The following NAV2 variants were observed in gnomAD, a reference collection of about 807,000 sequenced individuals.
NAV2 encodes helicase, APC down-regulated 1.
In NAV2, 54 loss-of-function variants were observed where a neutral mutation model predicts 223.2. The observed-to-expected ratio is 0.24, with a 90% CI of 0.19 to 0.30. The LOEUF is 0.30. Ranked by LOEUF, NAV2 falls within the 10% of genes least tolerant of loss-of-function variation. The pLI, the probability that NAV2 is intolerant of heterozygous loss-of-function variation, is 1.00. For missense variants in NAV2, 2,806 were observed against 3,147.5 expected, an observed-to-expected ratio of 0.89 and a Z score of 2.60; for synonymous variants, 1,279 against 1,239.3, an observed-to-expected ratio of 1.03 and a Z score of -0.67.
At chr11:19,696,849 C>T (rs531492078) in intron 1 of NAV2, among the ~76,000 whole-genome samples, 13 of 152,258 alleles carry the variant, frequency 8.5e-5, no homozygotes, top group South Asian at 2.1e-4. Context: ...CTGGGCTGCA[C>T]GGTAGAATCA....
At chr11:19,475,121 C>T (rs1051236588) in intron 1 of NAV2, among the ~76,000 whole-genome samples, 1 of 152,232 alleles carries the variant, frequency 6.6e-6, no homozygotes, top group Non-Finnish European at 1.5e-5. Context: ...CAGCCTGCAT[C>T]TGGGGAAAGC....
chr11:19,406,206 T>C (rs4757795), intron 1 of NAV2, among the ~76,000 whole-genome samples: 1 of 151,928 alleles, frequency 6.6e-6, no homozygotes, highest in African/African-American at 2.4e-5. Context: ...GCTAAGCTTG[T>C]GGGAGCACAC....
intron 6 of NAV2, among the ~76,000 whole-genome samples, chr11:19,911,496 G>C (rs986085088): frequency 1.4e-4 from 22 of 152,270 alleles, no homozygotes; most frequent in African/African-American, 5.3e-4. Flanking sequence ...CCAGCAAATT[G>C]GTGCTAGACT....
intron 1 of NAV2, among the ~76,000 whole-genome samples, chr11:19,398,737 T>C (rs1190337281): frequency 6.6e-6 from 1 of 152,214 alleles, no homozygotes; most frequent in Non-Finnish European, 1.5e-5. Flanking sequence ...TGACCCATCA[T>C]TTGGGATTAA....
intron 12 of NAV2, among the ~76,000 whole-genome samples, chr11:20,036,521 G>A (rs1464583701): frequency 1.3e-5 from 2 of 152,194 alleles, no homozygotes; most frequent in African/African-American, 4.8e-5. Context: ...TGGAAATAAA[G>A]ATTGAGAACC....
chr11:20,004,440 A>G (rs2052850988), intron 11 of NAV2, among the ~76,000 whole-genome samples: 1 of 152,164 alleles, frequency 6.6e-6, no homozygotes, highest in African/African-American at 2.4e-5. Context: ...AGGAGCTTAC[A>G]GCACCCCTAG....
At chr11:20,040,291 G>A (rs2056789474) in intron 12 of NAV2, among the ~76,000 whole-genome samples, 1 of 152,170 alleles carries the variant, frequency 6.6e-6, no homozygotes, top group Non-Finnish European at 1.5e-5. Context: ...GACAAAGGCA[G>A]GATAAATGCT....
At chr11:19,865,445 C>T (rs573744539) in intron 3 of NAV2, among the ~76,000 whole-genome samples, 378 of 152,274 alleles carry the variant, frequency 2.5e-3, no homozygotes, top group African/African-American at 8.8e-3. Context: ...TTCTGATCTC[C>T]TTCCAAATGA....
chr11:19,823,735 A>G (rs1793758322), intron 1 of NAV2, among the ~76,000 whole-genome samples: 1 of 152,136 alleles, frequency 6.6e-6, no homozygotes, highest in Non-Finnish European at 1.5e-5. Context: ...AAACACTATC[A>G]TTTATAGTGA....
At chr11:19,993,760 T>G (rs375557098) in intron 11 of NAV2, among the ~76,000 whole-genome samples, 6 of 152,174 alleles carry the variant, frequency 3.9e-5, no homozygotes, top group African/African-American at 1.4e-4. Flanking sequence ...AACATAATAG[T>G]TGAGTTGGTT....
chr11:19,907,270 C>T (rs886660861), intron 6 of NAV2, among the ~76,000 whole-genome samples: 2 of 152,192 alleles, frequency 1.3e-5, no homozygotes, highest in Non-Finnish European at 2.9e-5. Flanking sequence ...TGGTCTGTTG[C>T]TTCAGATCAA....
intron 1 of NAV2, among the ~76,000 whole-genome samples, chr11:19,455,542 G>C (rs1851930957): frequency 6.6e-6 from 1 of 152,088 alleles, no homozygotes; most frequent in South Asian, 2.1e-4. Context: ...ATAGCTACTA[G>C]ATATAATGCC....
chr11:19,782,697 G>A (rs2056835259), intron 1 of NAV2, among the ~76,000 whole-genome samples: 1 of 151,612 alleles, frequency 6.6e-6, no homozygotes, highest in African/African-American at 2.4e-5. Context: ...CTGTTCCCAA[G>A]GGTTGTTCTT....
chr11:19,934,246 A>G lies in NAV2; in HGVS notation c.2002A>G (p.Asn668Asp). 6.2e-7 allele frequency: 1 copy of G among 1,607,158 alleles called. No homozygotes were observed. Among genetic ancestry groups the G allele is most frequent in the Non-Finnish European group, 8.5e-7 (1 of 1,176,472 alleles). The change falls in exon 7 of 38, where the codon AAC becomes GAC. Residue 668 changes from asparagine to aspartate, a missense_variant. Asn to Asp is a conservative substitution (Grantham distance 23). Transcript: ENST00000349880. Reference sequence around the variant, plus strand: ...GCCCCAGCAGCAATACAACCATCCCAACACTGCCACGGTTGCACCTTTCCT... The same window carrying G: ...GCCCCAGCAGCAATACAACCATCCCGACACTGCCACGGTTGCACCTTTCCT... ...PQPQQQYNHP[N>D]TATVAPFLYR...
intron 6 of NAV2, among the ~76,000 whole-genome samples, chr11:19,918,914 C>T (rs1220146163): frequency 6.6e-6 from 1 of 152,180 alleles, no homozygotes; most frequent in East Asian, 1.9e-4. Flanking sequence ...CTTCCTTCTG[C>T]TTTATGCTCT....
intron 6 of NAV2, among the ~76,000 whole-genome samples, chr11:19,932,236 C>CAAACA (rs2045422729): frequency 1.3e-5 from 1 of 78,988 alleles, no homozygotes; most frequent in African/African-American, 6.1e-5. Context: ...CACTCTTAAG[C>CAAACA]AAAAAAAAAA....
Position 20,100,407 on chromosome 11 carries a change from C to A in NAV2, c.6182-530C>A, listed in dbSNP as rs545022881. Among the ~76,000 whole-genome samples the A allele has an allele frequency of 2.0e-5, 3 of 152,200 alleles. No homozygotes were observed. In the South Asian group the frequency reaches 6.2e-4, roughly 32 times the overall value. On this transcript the variant is annotated intron_variant, in intron 31 of 37. Coordinates refer to ENST00000349880, the MANE Select transcript of NAV2 (RefSeq NM_145117.5). Reference sequence around the variant, plus strand: ...CTTTTAAAGATAAAAGTGGTGTTGCCTTCATGGCACATCTTAGTGTGGATA... The same window carrying A: ...CTTTTAAAGATAAAAGTGGTGTTGCATTCATGGCACATCTTAGTGTGGATA...
chr11:19,918,175 A>G lies in NAV2; in HGVS notation c.932-15001A>G, dbSNP rs78207771. Among the ~76,000 whole-genome samples, 570 of 152,342 alleles carry G rather than the reference A, an allele frequency of 3.7e-3. 17 individuals are homozygous for G. The South Asian group carries it at 0.068, about 18-fold the overall frequency. ...ATGCTGGTTGTCTTTTCCTGCCTTC[A>G]TCTTCTCCTTTAAGTCCCAAACTGA... On this transcript the variant is annotated intron_variant, in intron 6 of 37. Transcript: ENST00000349880.
At chr11:19,981,766 A>C (rs957203266) in intron 10 of NAV2, among the ~76,000 whole-genome samples, 1 of 152,208 alleles carries the variant, frequency 6.6e-6, no homozygotes, top group Admixed American at 6.5e-5. Context: ...TGTAGGATGG[A>C]TGCCCATAAC....
Sources: allele counts gnomAD v4.1 joint callset (sites outside exome capture counted in the v4.1 genomes callset), GRCh38; gene constraint gnomAD v4.1.1; transcripts MANE v1.5; gene names NCBI Gene and HGNC (gene_info 2026-07-23, HGNC 2026-07-21).